CCDC171: variants seen among roughly 807,000 people sequenced by gnomAD.
The protein encoded by CCDC171 is coiled-coil domain-containing protein 171.
Under a neutral mutation model 168.2 loss-of-function variants are expected in CCDC171, and 177 were observed. That is an observed-to-expected ratio of 1.05 (90% CI 0.93 to 1.19). The LOEUF is 1.19. Among genes scored for constraint, CCDC171 ranks in the 50% most tolerant of loss-of-function variants. CCDC171 has a pLI of 0.00. For missense variants in CCDC171, 1,991 were observed against 1,539.0 expected (o/e 1.29, Z -4.91); for synonymous variants, 687 against 540.8 (o/e 1.27, Z -3.75).
chr9:15,652,053 T>C (rs1210811284), intron 7 of CCDC171, among the ~76,000 whole-genome samples: 3 of 152,114 alleles, frequency 2.0e-5, no homozygotes, highest in Non-Finnish European at 4.4e-5. Context: ...GGACCATAAG[T>C]GTGCCTCACC....
chr9:16,059,134 C>T (rs1833888675), intron 1 of CCDC171, among the ~76,000 whole-genome samples: 1 of 152,186 alleles, frequency 6.6e-6, no homozygotes. Flanking sequence ...GAGCCATGTT[C>T]TTGGGTCATT....
chr9:15,675,274 G>A (rs915361674), intron 9 of CCDC171, among the ~76,000 whole-genome samples: 16 of 137,354 alleles, frequency 1.2e-4, no homozygotes, highest in East Asian at 2.3e-4. Context: ...GTCTCTGCAC[G>A]TGAGATGGGT....
chr9:15,686,658 G>C (rs771407827), intron 10 of CCDC171, among the ~76,000 whole-genome samples: 2 of 152,076 alleles, frequency 1.3e-5, no homozygotes, highest in Admixed American at 6.5e-5. Context: ...AATGTTACTA[G>C]AGATAAAGAG....
chr9:15,644,769 C>G (rs555972636), intron 7 of CCDC171, among the ~76,000 whole-genome samples: 1 of 152,200 alleles, frequency 6.6e-6, no homozygotes, highest in Non-Finnish European at 1.5e-5. Context: ...TGGAGCCCAC[C>G]GCAGCCCAAG....
At chr9:15,787,725 A>T (rs2058043469) in intron 21 of CCDC171, among the ~76,000 whole-genome samples, 1 of 152,232 alleles carries the variant, frequency 6.6e-6, no homozygotes, top group Admixed American at 6.5e-5. Context: ...GTTTCTACTG[A>T]TTACATTCTC....
At chr9:15,613,725 A>G (rs1164654064) in intron 6 of CCDC171, among the ~76,000 whole-genome samples, 1 of 152,070 alleles carries the variant, frequency 6.6e-6, no homozygotes, top group Admixed American at 6.5e-5. Context: ...GGGTTTCACC[A>G]TGTTGGCCAG....
At chr9:15,568,835 T>C (rs2039968275) in intron 2 of CCDC171, among the ~76,000 whole-genome samples, 2 of 152,232 alleles carry the variant, frequency 1.3e-5, no homozygotes, top group Admixed American at 1.3e-4. Context: ...AAATTTTTTT[T>C]CCCATTCTCT....
At position 15,599,929 on chromosome 9, in the gene CCDC171, G is replaced by A. The variant is rs575545313; in HGVS notation, c.675+5757G>A. Among the ~76,000 whole-genome samples the A allele has an allele frequency of 4.6e-5, 7 of 152,158 alleles. No homozygotes were observed. The South Asian group carries it at 1.5e-3, about 32-fold the overall frequency. On this transcript the variant is annotated intron_variant, in intron 6 of 25. Coordinates refer to ENST00000380701, the MANE Select transcript of CCDC171 (RefSeq NM_173550.4). Reference sequence around the variant, plus strand: ...TCCATCACTGATACCCTTTCTTCCAGTTGATCGAATCGGCTACTGAAGCTT... The same window carrying A: ...TCCATCACTGATACCCTTTCTTCCAATTGATCGAATCGGCTACTGAAGCTT...
chr9:15,622,937 G>C (rs2044622844), intron 6 of CCDC171, among the ~76,000 whole-genome samples: 1 of 152,026 alleles, frequency 6.6e-6, no homozygotes, highest in Non-Finnish European at 1.5e-5. Flanking sequence ...TTAATGAGAA[G>C]GGGAAACATA....
rs903977998 is a variant in CCDC171 at position 15,569,643 on chromosome 9, G to A, written c.42-1981G>A. ...ATCCTGGCTAACACGGTGAAACCCC[G>A]TCTCTACTAAAAATGCAAAAAATTA... On this transcript the variant is annotated intron_variant, in intron 2 of 25. Coordinates refer to ENST00000380701, the MANE Select transcript of CCDC171 (RefSeq NM_173550.4). Among the ~76,000 whole-genome samples, 8 of 151,482 alleles carry A rather than the reference G, an allele frequency of 5.3e-5. No homozygotes were observed. The South Asian group carries it at 6.3e-4, about 12-fold the overall frequency.
At position 15,657,138 on chromosome 9, in the gene CCDC171, A is replaced by T. The variant is rs2048000788; in HGVS notation, c.834A>T (p.Leu278=). The T allele has an allele frequency of 6.2e-7, 1 of 1,602,730 alleles. No homozygotes were observed. Among genetic ancestry groups the T allele is most frequent in the African/African-American group, 1.3e-5 (1 of 74,542 alleles). ...TAATTTGTTTTCAGGCAACTACTCT[A>T]AGAGTGAGGAAATTAGAAGAAAACA... The part of the protein sequence containing the change: ...RLRKEFEATT[L]RVRKLEENIE... Residue 278 remains leucine, a synonymous_variant, in exon 8 of 26, where the codon CTA becomes CTT. Transcript: ENST00000380701.
chr9:15,855,832 C>G (rs2061330555), intron 23 of CCDC171, among the ~76,000 whole-genome samples: 1 of 151,828 alleles, frequency 6.6e-6, no homozygotes, highest in African/African-American at 2.4e-5. Flanking sequence ...ATAGCTTCAT[C>G]CTTTCTCTTC....
intron 21 of CCDC171, among the ~76,000 whole-genome samples, chr9:15,789,988 A>C (rs1000923433): frequency 1.3e-5 from 2 of 151,906 alleles, no homozygotes; most frequent in African/African-American, 4.8e-5. Flanking sequence ...CCTTTTCTTA[A>C]TCCAGTCTAT....
At chr9:15,795,158 A>G (rs1204531317) in intron 21 of CCDC171, among the ~76,000 whole-genome samples, 1 of 152,168 alleles carries the variant, frequency 6.6e-6, no homozygotes, top group Non-Finnish European at 1.5e-5. Flanking sequence ...GTGTCATCCC[A>G]TGGCAGAAGG....
At chr9:15,699,950 C>G (rs550294484) in intron 11 of CCDC171, among the ~76,000 whole-genome samples, 53 of 152,380 alleles carry the variant, frequency 3.5e-4, no homozygotes, top group African/African-American at 1.2e-3. Context: ...TCTCCACGTC[C>G]CCACCAGACT....
chr9:15,908,217 G>A (rs1823018046), intron 24 of CCDC171, among the ~76,000 whole-genome samples: 1 of 152,142 alleles, frequency 6.6e-6, no homozygotes, highest in South Asian at 2.1e-4. Flanking sequence ...TATGTTTATT[G>A]TGGCACTATT....
intron 21 of CCDC171, among the ~76,000 whole-genome samples, chr9:15,835,133 T>C (rs1053758225): frequency 2.0e-5 from 3 of 152,194 alleles, no homozygotes; most frequent in African/African-American, 7.2e-5. Flanking sequence ...TGGATATGTA[T>C]TATGATGTGA....
intron 1 of CCDC171, among the ~76,000 whole-genome samples, chr9:16,056,415 A>T (rs1833841531): frequency 6.6e-6 from 1 of 152,242 alleles, no homozygotes. Context: ...TTGTTAATTT[A>T]AATTGAAATT....
At chr9:15,669,246 A>C (rs1402478439) in intron 9 of CCDC171, among the ~76,000 whole-genome samples, 1 of 152,212 alleles carries the variant, frequency 6.6e-6, no homozygotes, top group Non-Finnish European at 1.5e-5. Flanking sequence ...AAAATTTCTT[A>C]GAATAAATTT....
Sources: gnomAD v4.1 joint callset for allele counts (sites outside exome capture counted in the v4.1 genomes callset) on GRCh38, gnomAD v4.1.1 for gene constraint, MANE v1.5 for transcripts, NCBI Gene and HGNC (gene_info 2026-07-23, HGNC 2026-07-21) for gene names.